The following PDE1C variants were observed in gnomAD, a reference collection of about 807,000 sequenced individuals.
PDE1C encodes the protein phosphodiesterase 1C.
In PDE1C, 62 loss-of-function variants were observed where a neutral mutation model predicts 93.1. The ratio of observed to expected loss-of-function variants is 0.67; its 90% CI spans 0.54 to 0.82. The LOEUF (loss-of-function observed/expected upper bound fraction) is 0.82. PDE1C is among the 40% of genes least tolerant of loss of function. The pLI is 0.00. For missense variants in PDE1C, 742 were observed against 884.6 expected, an observed-to-expected ratio of 0.84 and a Z score of 2.04; for synonymous variants, 325 against 310.1, an observed-to-expected ratio of 1.05 and a Z score of -0.50.
chr7:31,696,966 T>C, the PDE1C span: 1 of 1,614,008 alleles, frequency 6.2e-7, no homozygotes, highest in South Asian at 1.1e-5. Flanking sequence ...ACCATGCAGG[T>C]GTGTTTTCAG....
intron 1 of PDE1C, among the ~76,000 whole-genome samples, chr7:32,356,798 C>A (rs1002012216): frequency 6.6e-6 from 1 of 152,212 alleles, no homozygotes; most frequent in African/African-American, 2.4e-5. Flanking sequence ...TTCATACATA[C>A]AACTCATTTT....
intron 2 of PDE1C, among the ~76,000 whole-genome samples, chr7:31,929,991 T>C (rs1225660992): frequency 6.6e-6 from 1 of 152,160 alleles, no homozygotes; most frequent in Non-Finnish European, 1.5e-5. Context: ...AGCTGTTTTT[T>C]TGAAAAGATT....
chr7:31,944,740 A>G (rs1236903494), intron 2 of PDE1C, among the ~76,000 whole-genome samples: 1 of 152,208 alleles, frequency 6.6e-6, no homozygotes, highest in East Asian at 1.9e-4. Flanking sequence ...TCTTGTAAAC[A>G]TCGACAACTA....
chr7:32,065,295 C>T (rs1411656132), intron 1 of PDE1C, among the ~76,000 whole-genome samples: 1 of 152,138 alleles, frequency 6.6e-6, no homozygotes, highest in African/African-American at 2.4e-5. Flanking sequence ...TTGGGCTGCC[C>T]GGAAGACTCC....
At chr7:31,668,406 G>T in the PDE1C span, among the ~76,000 whole-genome samples, 4 of 151,974 alleles carry the variant, frequency 2.6e-5, no homozygotes, top group Non-Finnish European at 5.9e-5. Flanking sequence ...AATAATCAAA[G>T]AGTAGAAATA....
At chr7:32,308,994 A>T (rs1220345449) in intron 1 of PDE1C, among the ~76,000 whole-genome samples, 2 of 151,684 alleles carry the variant, frequency 1.3e-5, no homozygotes, top group East Asian at 3.9e-4. Context: ...GAAGTTAAAA[A>T]CTGTGAAAAA....
intron 16 of PDE1C, among the ~76,000 whole-genome samples, chr7:31,780,683 A>G (rs997116402): frequency 1.3e-5 from 2 of 152,232 alleles, no homozygotes; most frequent in African/African-American, 2.4e-5. Flanking sequence ...GCGAGCATCA[A>G]GTAAGAGTAC....
chr7:32,009,503 G>C (rs1786778483), intron 2 of PDE1C, among the ~76,000 whole-genome samples: 1 of 152,158 alleles, frequency 6.6e-6, no homozygotes, highest in South Asian at 2.1e-4. Context: ...AGTTATAATG[G>C]AGACCCTGTG....
chr7:32,309,873 T>C (rs1813125654), intron 1 of PDE1C, among the ~76,000 whole-genome samples: 2 of 152,178 alleles, frequency 1.3e-5, no homozygotes, highest in African/African-American at 2.4e-5. Flanking sequence ...AACATCATAA[T>C]GACAGGACCA....
At chr7:32,234,584 A>T (rs547935330) in intron 1 of PDE1C, among the ~76,000 whole-genome samples, 1 of 152,118 alleles carries the variant, frequency 6.6e-6, no homozygotes, top group South Asian at 2.1e-4. Context: ...TAGGTAACAT[A>T]AATTATTCTA....
the PDE1C span, among the ~76,000 whole-genome samples, chr7:31,650,555 G>A: frequency 6.6e-6 from 1 of 152,240 alleles, no homozygotes; most frequent in Admixed American, 6.5e-5. Flanking sequence ...AACTCCTGGA[G>A]ATGACAGGAT....
chr7:31,659,434 C>T, the PDE1C span, among the ~76,000 whole-genome samples: 1 of 152,218 alleles, frequency 6.6e-6, no homozygotes, highest in Admixed American at 6.5e-5. Flanking sequence ...CACTCTTTCC[C>T]TGTCTGTTCC....
intron 1 of PDE1C, among the ~76,000 whole-genome samples, chr7:32,243,897 T>G (rs1185521220): frequency 6.6e-6 from 1 of 152,210 alleles, no homozygotes; most frequent in Non-Finnish European, 1.5e-5. Context: ...CTGAACTGGC[T>G]GTAGAAAGAA....
chr7:32,414,137 C>A (rs1056949235), intron 1 of PDE1C, among the ~76,000 whole-genome samples: 8 of 151,314 alleles, frequency 5.3e-5, no homozygotes, highest in Admixed American at 2.0e-4. Context: ...TGCTTGAGTC[C>A]AGGAGGTTGA....
At chr7:31,829,697 C>T (rs1247903355) in intron 11 of PDE1C, among the ~76,000 whole-genome samples, 1 of 152,116 alleles carries the variant, frequency 6.6e-6, no homozygotes, top group Non-Finnish European at 1.5e-5. Flanking sequence ...CTTCTGCACC[C>T]TCTTCCTATA....
At chr7:32,175,077 A>G (rs1802894438) in intron 2 of PDE1C, among the ~76,000 whole-genome samples, 1 of 152,198 alleles carries the variant, frequency 6.6e-6, no homozygotes, top group African/African-American at 2.4e-5. Flanking sequence ...CCTCCAAAGT[A>G]CCAGCCCCCA....
intron 1 of PDE1C, among the ~76,000 whole-genome samples, chr7:32,358,698 A>G (rs1784076924): frequency 6.6e-6 from 1 of 152,196 alleles, no homozygotes; most frequent in South Asian, 2.1e-4. Flanking sequence ...CGTTCTATGA[A>G]TGAGAACTTA....
At chr7:32,353,872 A>G (rs183755180) in intron 1 of PDE1C, among the ~76,000 whole-genome samples, 2 of 152,246 alleles carry the variant, frequency 1.3e-5, no homozygotes, top group African/African-American at 4.8e-5. Flanking sequence ...AGTGTACCCA[A>G]CTGAATATCA....
In PDE1C at chr7:31,965,179, G is replaced by A. The variant is rs559909490; in HGVS notation, c.129-84319C>T. On this transcript the variant is annotated intron_variant, in intron 2 of 17. Transcript: ENST00000396191. ...TACTCCGAGCTAAAGGAGGAAGTTC[G>A]AACCAATGGCAAAGAAGTTAAAAAC... Among the ~76,000 whole-genome samples the A allele has an allele frequency of 3.3e-5, 5 of 151,598 alleles. No individual in the cohort carries two copies. The East Asian group carries it at 5.8e-4, about 18-fold the overall frequency.
Sources: allele counts gnomAD v4.1 joint callset (sites outside exome capture counted in the v4.1 genomes callset), GRCh38; gene constraint gnomAD v4.1.1; transcripts MANE v1.5; gene names NCBI Gene and HGNC (gene_info 2026-07-23, HGNC 2026-07-21).